The following ABLIM2 variants were observed in gnomAD, a reference collection of about 807,000 sequenced individuals.
ABLIM2 encodes actin binding LIM protein family member 2.
Under a neutral mutation model 97.7 loss-of-function variants are expected in ABLIM2, and 53 were observed. The ratio of observed to expected loss-of-function variants is 0.54; its 90% CI spans 0.44 to 0.68. The LOEUF (loss-of-function observed/expected upper bound fraction) is 0.68, where lower values mean the gene tolerates loss of function less well. ABLIM2 is among the 30% of genes least tolerant of loss of function. The pLI, the probability that ABLIM2 is intolerant of heterozygous loss-of-function variation, is 0.00. For missense variants in ABLIM2, 835 were observed against 867.2 expected (o/e 0.96, Z 0.47); for synonymous variants, 361 against 345.8 (o/e 1.04, Z -0.49).
chr4:7,983,315 T>C lies in ABLIM2; in HGVS notation c.1773A>G (p.Thr591=), dbSNP rs754967373. The C allele has an allele frequency of 1.2e-5, 19 of 1,612,620 alleles. No individual in the cohort carries two copies. The South Asian group carries it at 1.3e-4, about 11-fold the overall frequency. ...KIYPYDSLIV[T]NRIRVKLPKD... is the part of the protein sequence containing the mutation. ...TGGGCAGTTTCACGCGAATTCGGTT[T>C]GTGACGATGAGGGAGTCATACGGAT... The change falls in exon 20 of 21, where the codon ACA becomes ACG. Residue 591 remains threonine (T), a synonymous_variant. Coordinates refer to ENST00000447017, the MANE Select transcript of ABLIM2 (RefSeq NM_001130083.2).
intron 8 of ABLIM2, among the ~76,000 whole-genome samples, chr4:8,047,003 G>A (rs950150966): frequency 4.6e-5 from 7 of 152,188 alleles, no homozygotes; most frequent in Admixed American, 2.6e-4. Flanking sequence ...TGCCTTTATC[G>A]GGGAAGCCCC....
chr4:8,041,421 C>T (rs1157922585), intron 9 of ABLIM2: 3 of 152,158 alleles, frequency 2.0e-5, no homozygotes, highest in African/African-American at 7.2e-5. Flanking sequence ...GCAGCAGGGT[C>T]TCCTGGAAAA....
Position 8,112,183 on chromosome 4 carries a change from C to G in ABLIM2, c.11-5546G>C, listed in dbSNP as rs542212082. Reference sequence around the variant, plus strand: ...AATGATTGCTGGTGTCGTTAACACACAACCTTCACAACAAAGGGACGTGGC... The same window carrying G: ...AATGATTGCTGGTGTCGTTAACACAGAACCTTCACAACAAAGGGACGTGGC... On this transcript the variant is annotated intron_variant, in intron 1 of 20. Transcript: ENST00000447017. This position sits in a 1 kb window ranked among gnomAD's most constrained non-coding sequence, Gnocchi z 4.2. Among the ~76,000 whole-genome samples the G allele has an allele frequency of 6.6e-6, 1 of 152,194 alleles. No homozygotes were observed. Among genetic ancestry groups the G allele is most frequent in the African/African-American group, 2.4e-5 (1 of 41,454 alleles).
Position 8,127,752 on chromosome 4 carries a change from C to A in ABLIM2, c.11-21115G>T, listed in dbSNP as rs1262633531. The A allele has an allele frequency of 1.0e-6, 1 of 974,332 alleles. No homozygotes were observed. The highest frequency in any genetic ancestry group is 1.2e-6 in the Non-Finnish European group (1 of 819,970). The allele number at this position is 974,332 out of a possible 1,614,324, so 60.4% of individuals were successfully genotyped here. On this transcript the variant is annotated intron_variant, in intron 1 of 20. Transcript: ENST00000447017. The surrounding 1 kb of genome is among the most constrained non-coding windows in gnomAD (Gnocchi z 7.3). ...GCCCGGGGAGGGGCAGAGCCAAGCC[C>A]TTCCCGGCACACTGAAATAGACTCC...
chr4:7,988,639 A>G (rs1746299369), intron 17 of ABLIM2, among the ~76,000 whole-genome samples: 1 of 152,242 alleles, frequency 6.6e-6, no homozygotes. Flanking sequence ...AGCAAGATAG[A>G]GCAGGAATTG....
intron 1 of ABLIM2, among the ~76,000 whole-genome samples, chr4:8,151,164 G>A (rs1176902982): frequency 6.6e-6 from 1 of 152,164 alleles, no homozygotes; most frequent in Non-Finnish European, 1.5e-5. Context: ...TGGAGCCCAG[G>A]TGTGCCCAGC....
At chr4:8,029,168 A>G (rs34162464) in intron 11 of ABLIM2, among the ~76,000 whole-genome samples, 5 of 152,180 alleles carry the variant, frequency 3.3e-5, no homozygotes, top group Non-Finnish European at 7.4e-5. Flanking sequence ...CCGTGAGGAC[A>G]GCTGTCACTG....
chr4:8,104,375 G>A (rs576244500), intron 2 of ABLIM2, among the ~76,000 whole-genome samples: 96 of 152,344 alleles, frequency 6.3e-4, no homozygotes, highest in African/African-American at 2.3e-3. Flanking sequence ...TGAGGACTGG[G>A]CTTCACGCTG....
Position 8,097,257 on chromosome 4 carries a change from G to T in ABLIM2, c.180C>A (p.Gly60=). Residue 60 remains glycine (G), a synonymous_variant, in exon 3 of 21, where the codon GGC becomes GGA. Transcript: ENST00000447017. ...CKACGCDLAE[G]GFFVRQGEYI... is the part of the protein sequence containing the mutation. ...ACTCGCCCTGCCGCACGAAGAAGCC[G>T]CCCTCGGCCAGGTCGCAGCCACATG... is the stretch of plus-strand genomic sequence containing the variant. 2 of 1,568,108 alleles carry T rather than the reference G, an allele frequency of 1.3e-6. No individual in the cohort carries two copies. The highest frequency in any genetic ancestry group is 1.7e-6 in the Non-Finnish European group (2 of 1,157,598).
At chr4:7,981,321 G>T (rs1235245524) in intron 20 of ABLIM2, among the ~76,000 whole-genome samples, 3 of 152,066 alleles carry the variant, frequency 2.0e-5, no homozygotes, top group African/African-American at 7.2e-5. Context: ...TCAACCAAGT[G>T]CCAATCAGAA....
In ABLIM2 at chr4:8,046,804, C is replaced by T. The variant is rs1011405093; in HGVS notation, c.823-1563G>A. Reference sequence around the variant, plus strand: ...CTAGGATGGGCCCTAATCTGTTATGCCTGGGGTTTCTACGAGCAGGGATCA... The same window carrying T: ...CTAGGATGGGCCCTAATCTGTTATGTCTGGGGTTTCTACGAGCAGGGATCA... On this transcript the variant is annotated intron_variant, in intron 8 of 20. Coordinates refer to ENST00000447017, the MANE Select transcript of ABLIM2 (RefSeq NM_001130083.2). The surrounding 1 kb of genome is among the most constrained non-coding windows in gnomAD (Gnocchi z 4.4). Among the ~76,000 whole-genome samples the T allele has an allele frequency of 6.7e-6, 1 of 149,876 alleles. No homozygotes were observed. Among genetic ancestry groups the T allele is most frequent in the African/African-American group, 2.4e-5 (1 of 41,372 alleles).
chr4:8,066,077 G>A (rs1185486112), intron 6 of ABLIM2, among the ~76,000 whole-genome samples: 7 of 150,550 alleles, frequency 4.6e-5, no homozygotes, highest in Admixed American at 6.6e-5. Context: ...TGAGGCGGGC[G>A]GATCATGAGG....
rs144613029 is a variant in ABLIM2 at position 8,133,419 on chromosome 4, T to G, written c.10+25261A>C. Among the ~76,000 whole-genome samples the G allele has an allele frequency of 3.0e-3, 461 of 152,282 alleles. 1 individual carries two copies. Among genetic ancestry groups the G allele is most frequent in the African/African-American group, 0.01 (423 of 41,564 alleles). On this transcript the variant is annotated intron_variant, in intron 1 of 20. Coordinates refer to ENST00000447017, the MANE Select transcript of ABLIM2 (RefSeq NM_001130083.2). ...CCCGTCCCCTGCGGGGTATCTCTTC[T>G]CCTGCTCCCTCCTGCCTGCCGGTCC...
At position 8,023,619 on chromosome 4, in the gene ABLIM2, G is replaced by A. The variant is rs899672177; in HGVS notation, c.1268-3316C>T. On this transcript the variant is annotated intron_variant, in intron 12 of 20. Transcript: ENST00000447017. This position sits in a 1 kb window ranked among gnomAD's most constrained non-coding sequence, Gnocchi z 5.7. Reference sequence around the variant, plus strand: ...CTCCTTCTCTCCCCTCCCACATGGCGCTCTCGGGAAGGAGCCACTCTGTGT... The same window carrying A: ...CTCCTTCTCTCCCCTCCCACATGGCACTCTCGGGAAGGAGCCACTCTGTGT... Among the ~76,000 whole-genome samples, 9 of 152,098 alleles carry A rather than the reference G, an allele frequency of 5.9e-5. No individual in the cohort carries two copies. In the East Asian group the frequency reaches 7.7e-4, roughly 13 times the overall value.
chr4:8,033,959 C>T lies in ABLIM2; in HGVS notation c.1047+2190G>A, dbSNP rs1475624435. On this transcript the variant is annotated intron_variant, in intron 10 of 20. Coordinates refer to ENST00000447017, the MANE Select transcript of ABLIM2 (RefSeq NM_001130083.2). This position sits in a 1 kb window ranked among gnomAD's most constrained non-coding sequence, Gnocchi z 4.5. ...GCCCTCCCACAGGGACACACGCACT[C>T]AAACCAGGAAGGGGTGTGCCCGATG... Among the ~76,000 whole-genome samples the T allele has an allele frequency of 6.6e-6, 1 of 152,208 alleles. No homozygotes were observed. The highest frequency in any genetic ancestry group is 1.5e-5 in the Non-Finnish European group (1 of 68,038).
Position 8,009,100 on chromosome 4 carries a change from C to A in ABLIM2, c.1426G>T (p.Ala476Ser), listed in dbSNP as rs774733942. 24 of 1,613,912 alleles carry A rather than the reference C, an allele frequency of 1.5e-5. No homozygotes were observed. In the South Asian group the frequency reaches 2.3e-4, roughly 16 times the overall value. The change falls in exon 15 of 21, where the codon GCC (alanine) becomes TCC (serine). Residue 476 changes from alanine (A) to serine (S), a missense_variant and splice_region_variant. Ala to Ser is a moderately conservative substitution (Grantham distance 99). Transcript: ENST00000447017. ...RKPPIYRQHA[A>S]RRSDGEDGSL... ...CCATCCTCCCCATCCGATCGCCTGG[C>A]AGCTGGAAGGGAAAAATCCATTTGT...
chr4:8,051,562 CAA>C (rs36056609), intron 8 of ABLIM2, among the ~76,000 whole-genome samples: 5 of 107,914 alleles, frequency 4.6e-5, no homozygotes, highest in South Asian at 3.2e-4. Flanking sequence ...GATTCCATCT[CAA>C]AAAAAAAAAA....
Position 8,038,105 on chromosome 4 carries a change from T to C in ABLIM2, c.901-1810A>G, listed in dbSNP as rs578140389. Among the ~76,000 whole-genome samples, 55 of 152,300 alleles carry C rather than the reference T, an allele frequency of 3.6e-4. No homozygotes were observed. In the South Asian group the frequency reaches 0.011, roughly 32 times the overall value. ...CTGCCTCAGCCTCCTCTGGACATGA[T>C]GAGCTGTCTACCCCGAGACATGCAC... On this transcript the variant is annotated intron_variant, in intron 9 of 20. Transcript: ENST00000447017.
At position 8,120,079 on chromosome 4, in the gene ABLIM2, C is replaced by T. The variant is rs546089936; in HGVS notation, c.11-13442G>A. Among the ~76,000 whole-genome samples, 3 of 152,262 alleles carry T rather than the reference C, an allele frequency of 2.0e-5. No homozygotes were observed. Among genetic ancestry groups the T allele is most frequent in the East Asian group, 1.9e-4 (1 of 5,174 alleles). On this transcript the variant is annotated intron_variant, in intron 1 of 20. Transcript: ENST00000447017. This position sits in a 1 kb window ranked among gnomAD's most constrained non-coding sequence, Gnocchi z 5.6. ...CAGAGCGACAGGCACAGACGTCGGG[C>T]GGCAGGGTCCCTGGCGGCCCCCAGA...
Sources: allele counts gnomAD v4.1 joint callset (sites outside exome capture counted in the v4.1 genomes callset), GRCh38; gene constraint gnomAD v4.1.1; non-coding constraint Gnocchi (gnomAD v3.1); transcripts MANE v1.5; gene names NCBI Gene and HGNC (gene_info 2026-07-23, HGNC 2026-07-21).